Variants in COL4A4 observed in about 807,000 individuals in gnomAD.
The protein encoded by COL4A4 is collagen type IV alpha 4 chain, also known as collagen alpha-4(IV) chain.
In COL4A4, 105 loss-of-function variants were observed where a neutral mutation model predicts 192.9. The ratio of observed to expected loss-of-function variants is 0.54; its 90% CI spans 0.46 to 0.64. The LOEUF (loss-of-function observed/expected upper bound fraction) is 0.64, where lower values mean the gene tolerates loss of function less well. Ranked by LOEUF, COL4A4 falls within the 30% of genes least tolerant of loss-of-function variation. The pLI, the probability that COL4A4 is intolerant of heterozygous loss-of-function variation, is 0.00. For synonymous variants in COL4A4, 762 were observed against 769.9 expected (o/e 0.99, Z 0.17); for missense variants, 1,967 against 2,169.3 (o/e 0.91, Z 1.85).
chr2:227,055,937 C>T lies in COL4A4; in HGVS notation c.2716+8G>A. The T allele has an allele frequency of 1.9e-6, 3 of 1,612,674 alleles. No homozygotes were observed. The highest frequency in any genetic ancestry group is 2.5e-6 in the Non-Finnish European group (3 of 1,179,424). On this transcript the variant is annotated splice_region_variant and intron_variant, in intron 30 of 47. Transcript: ENST00000396625. ...ATGGGAGGACATCATGGAAAAAGCA[C>T]TACCTACCCTTTGGACCTGGAGGAC...
rs139977962 is a variant in COL4A4 at position 227,041,274 on chromosome 2, G to C, written c.3505+874C>G. ...AGCATCTAGCACAGAATCTAGGATA[G>C]TAGGAGCTTAACCATAGGTGAAGGG... On this transcript the variant is annotated intron_variant, in intron 37 of 47. Transcript: ENST00000396625. Among the ~76,000 whole-genome samples, 619 of 152,260 alleles carry C rather than the reference G, an allele frequency of 4.1e-3. 4 individuals are homozygous for C. Among genetic ancestry groups the C allele is most frequent in the African/African-American group, 0.014 (589 of 41,536 alleles).
chr2:226,995,581 C>T, the COL4A4 span: 3 of 1,136,660 alleles, frequency 2.6e-6, no homozygotes, highest in East Asian at 4.8e-5. Flanking sequence ...TGGCTCATTC[C>T]CCAAGCCCCT....
At chr2:227,135,632 G>A (rs2125229022) in intron 4 of COL4A4, among the ~76,000 whole-genome samples, 1 of 136,018 alleles carries the variant, frequency 7.4e-6, no homozygotes. Context: ...ATCCTGTCCA[G>A]GCTGGAATCT....
chr2:227,018,222 A>T (rs116344220), intron 44 of COL4A4, among the ~76,000 whole-genome samples: 1,780 of 151,356 alleles, frequency 0.012, 17 homozygotes, highest in Non-Finnish European at 0.019. Context: ...TTGACTTGCA[A>T]CTCTTTTGTT....
the COL4A4 span, among the ~76,000 whole-genome samples, chr2:226,975,810 A>G: frequency 1.3e-5 from 2 of 152,192 alleles, no homozygotes; most frequent in Admixed American, 1.3e-4. Context: ...AAAATGTTTG[A>G]AAAGAGATAA....
intron 4 of COL4A4, among the ~76,000 whole-genome samples, chr2:227,124,704 C>T (rs960885853): frequency 6.6e-6 from 1 of 152,152 alleles, no homozygotes; most frequent in Non-Finnish European, 1.5e-5. Context: ...TAGGTGACTG[C>T]ACAAATTCTA....
the COL4A4 span, among the ~76,000 whole-genome samples, chr2:226,989,701 T>C: frequency 6.6e-5 from 10 of 152,348 alleles, no homozygotes; most frequent in South Asian, 2.1e-3. Flanking sequence ...CCTGATGTTA[T>C]AGCTTACTCG....
Position 227,082,159 on chromosome 2 carries a change from C to T in COL4A4, c.1652G>A (p.Gly551Asp), listed in dbSNP as rs2059360185. The T allele has an allele frequency of 6.2e-7, 1 of 1,614,106 alleles. No homozygotes were observed. Among genetic ancestry groups the T allele is most frequent in the Non-Finnish European group, 8.5e-7 (1 of 1,179,972 alleles). The change falls in exon 23 of 48, where the codon GGC becomes GAC. Residue 551 changes from glycine (G) to aspartate (D), a missense_variant. Gly to Asp is a moderately conservative substitution (Grantham distance 94, BLOSUM62 -1). Coordinates refer to ENST00000396625, the MANE Select transcript of COL4A4 (RefSeq NM_000092.5). ...CATGTCACCCTTCGCCCCTTTGTTGCCAGGTGGTCCAGAGGCACCATGCTT... is the reference window on the plus strand; with the variant it reads ...CATGTCACCCTTCGCCCCTTTGTTGTCAGGTGGTCCAGAGGCACCATGCTT... ...PGKHGASGPP[G>D]NKGAKGDMVV...
At chr2:227,148,344 A>G (rs1255177291) in intron 1 of COL4A4, among the ~76,000 whole-genome samples, 1 of 152,262 alleles carries the variant, frequency 6.6e-6, no homozygotes, top group East Asian at 1.9e-4. Context: ...AAGTGCTGAT[A>G]TGTGCTACAG....
intron 3 of COL4A4, among the ~76,000 whole-genome samples, chr2:227,141,774 A>T (rs2063224451): frequency 2.0e-5 from 3 of 152,132 alleles, no homozygotes. Context: ...GTTATCTATA[A>T]ATGCAGAAAT....
chr2:227,159,830 C>T (rs2064675819), intron 1 of COL4A4, among the ~76,000 whole-genome samples: 1 of 152,188 alleles, frequency 6.6e-6, no homozygotes, highest in Admixed American at 6.5e-5. Context: ...ATAAATTACC[C>T]AGTCTCAGGT....
At chr2:226,997,438 A>G in the COL4A4 span, 7 of 152,164 alleles carry the variant, frequency 4.6e-5, no homozygotes, top group African/African-American at 1.7e-4. Context: ...TGTGCCTTCT[A>G]CGTGGGAACA....
chr2:227,093,917 T>C (rs2060071290), intron 20 of COL4A4, among the ~76,000 whole-genome samples: 2 of 152,326 alleles, frequency 1.3e-5, no homozygotes, highest in South Asian at 4.1e-4. Flanking sequence ...TTCTATCATT[T>C]ACACTGAAAC....
chr2:227,081,963 C>A (rs2059349949), intron 23 of COL4A4, 152 bp downstream of exon 23: 1 of 748,316 alleles, frequency 1.3e-6, no homozygotes, highest in Non-Finnish European at 2.4e-6. Flanking sequence ...ATTCATACAA[C>A]CTTATGAAGG....
chr2:227,059,874 G>A (rs552495306), intron 27 of COL4A4, among the ~76,000 whole-genome samples: 4 of 152,178 alleles, frequency 2.6e-5, no homozygotes, highest in Non-Finnish European at 2.9e-5. Flanking sequence ...GCTGGACTGA[G>A]TAGTTTCAAC....
chr2:227,069,779 T>C (rs1346680954), intron 25 of COL4A4, among the ~76,000 whole-genome samples: 1 of 151,114 alleles, frequency 6.6e-6, no homozygotes, highest in Non-Finnish European at 1.5e-5. Context: ...GAAGAAAACC[T>C]AGGCATTACC....
intron 34 of COL4A4, 137 bp downstream of exon 34, chr2:227,049,931 C>T (rs1197657393): frequency 2.6e-6 from 2 of 782,682 alleles, no homozygotes; most frequent in Non-Finnish European, 4.5e-6. Flanking sequence ...GAGTGTTTGA[C>T]TGTCTAACAA....
intron 20 of COL4A4, among the ~76,000 whole-genome samples, chr2:227,090,387 C>T (rs994153705): frequency 1.1e-4 from 17 of 152,092 alleles, no homozygotes; most frequent in East Asian, 1.9e-4. Context: ...CAGTTAAAGA[C>T]GACAGATAAA....
Position 227,005,490 on chromosome 2 carries a change from G to A in COL4A4, c.*1835C>T, listed in dbSNP as rs1043048068. ...GCACAAAAATATTCAACATGCCAGAGCATGGTTTAAAAAATATCAAATGGG... is the reference window on the plus strand; with the variant it reads ...GCACAAAAATATTCAACATGCCAGAACATGGTTTAAAAAATATCAAATGGG... On this transcript the variant is annotated 3_prime_UTR_variant, in exon 48 of 48. Transcript: ENST00000396625. 2.6e-5 allele frequency: 4 copies of A among 152,156 alleles called. No individual in the cohort carries two copies. Among genetic ancestry groups the A allele is most frequent in the African/African-American group, 9.7e-5 (4 of 41,444 alleles). The allele number at this position is 152,156 out of a possible 1,614,324, so 9.4% of individuals were successfully genotyped here.
Sources: gnomAD v4.1 joint callset for allele counts (sites outside exome capture counted in the v4.1 genomes callset) on GRCh38, gnomAD v4.1.1 for gene constraint, MANE v1.5 for transcripts, NCBI Gene and HGNC (gene_info 2026-07-23, HGNC 2026-07-21) for gene names.